The following FGF13 variants were observed in gnomAD, a reference collection of about 807,000 sequenced individuals.
FGF13 encodes fibroblast growth factor 13, also known as fibroblast growth factor homologous factor 2.
In FGF13, 2 loss-of-function variants were observed where a neutral mutation model predicts 19.5. The observed-to-expected ratio is 0.10, with a 90% CI of 0.04 to 0.32. The LOEUF (loss-of-function observed/expected upper bound fraction) is 0.32, where lower values mean the gene tolerates loss of function less well. FGF13 is among the 10% of genes least tolerant of loss of function. The probability of loss-of-function intolerance (pLI) is 1.00; values close to 1 mark genes in which losing one functional copy is unlikely to be tolerated. For synonymous variants in FGF13, 72 were observed against 76.9 expected, an observed-to-expected ratio of 0.94 and a Z score of 0.33; for missense variants, 113 against 192.7, an observed-to-expected ratio of 0.59 and a Z score of 2.45.
intron 1 of FGF13, among the ~76,000 whole-genome samples, chrX:138,910,888 C>T (rs2091584047): frequency 8.9e-6 from 1 of 111,819 alleles, no homozygotes; most frequent in Non-Finnish European, 1.9e-5. Context: ...TTCATTTATA[C>T]TGTGAGGTAA....
At chrX:138,820,710 G>A (rs760027098) in intron 3 of FGF13, among the ~76,000 whole-genome samples, 14 of 111,886 alleles carry the variant, frequency 1.3e-4, no homozygotes, top group Non-Finnish European at 2.1e-4. Flanking sequence ...AGATACATGG[G>A]AAAGTTACCA....
chrX:138,755,991 A>T (rs981682762), intron 3 of FGF13, among the ~76,000 whole-genome samples: 1 of 111,831 alleles, frequency 8.9e-6, no homozygotes, highest in Non-Finnish European at 1.9e-5. Context: ...AGATATTAGG[A>T]CATACAAAGA....
chrX:139,100,041 AACACACACACACAC>A (rs56821859), intron 1 of FGF13, among the ~76,000 whole-genome samples: 11 of 76,423 alleles, frequency 1.4e-4, no homozygotes, highest in African/African-American at 3.0e-4. Flanking sequence ...GGGGAAAGCA[AACACACACACACAC>A]ACACACACAC....
chrX:138,687,384 CAACA>C (rs773990948), intron 3 of FGF13, among the ~76,000 whole-genome samples: 43 of 111,980 alleles, frequency 3.8e-4, no homozygotes, highest in Non-Finnish European at 7.3e-4. Context: ...TACAACTCTT[CAACA>C]GACACATGAA....
intron 3 of FGF13, among the ~76,000 whole-genome samples, chrX:138,684,942 A>C (rs141497172): frequency 1.8e-5 from 2 of 111,928 alleles, no homozygotes; most frequent in East Asian, 5.6e-4. Flanking sequence ...AGAACAACAA[A>C]CAATAAAGCA....
intron 3 of FGF13, among the ~76,000 whole-genome samples, chrX:138,676,196 A>C (rs1312475785): frequency 9.0e-6 from 1 of 111,620 alleles, no homozygotes; most frequent in Non-Finnish European, 1.9e-5. Flanking sequence ...AAAAGACATA[A>C]GGAAAAAAAG....
At chrX:139,072,009 CAAA>C (rs547217409) in intron 1 of FGF13, among the ~76,000 whole-genome samples, 76 of 24,838 alleles carry the variant, frequency 3.1e-3, no homozygotes, top group African/African-American at 0.012. Context: ...GATTCCATCT[CAAA>C]AAAAAAAAAA....
intron 1 of FGF13, among the ~76,000 whole-genome samples, chrX:138,731,320 AC>A (rs2090228954): frequency 9.0e-6 from 1 of 110,538 alleles, no homozygotes; most frequent in African/African-American, 3.3e-5. Context: ...AAATTTAAAT[AC>A]ATTCATAAGA....
chrX:138,895,106 T>C (rs2091497349), intron 1 of FGF13, among the ~76,000 whole-genome samples: 1 of 112,191 alleles, frequency 8.9e-6, no homozygotes, highest in African/African-American at 3.2e-5. Flanking sequence ...TACCTGATAC[T>C]TTTCTTGGGC....
chrX:138,740,361 T>C (rs776066459), upstream of FGF13, among the ~76,000 whole-genome samples: 7 of 112,183 alleles, frequency 6.2e-5, no homozygotes, highest in South Asian at 2.2e-3. Context: ...TTCAGTGCTA[T>C]ATGGAAAGGA....
chrX:138,809,781 T>C (rs1319726120), intron 3 of FGF13, among the ~76,000 whole-genome samples: 3 of 111,319 alleles, frequency 2.7e-5, no homozygotes, highest in African/African-American at 9.8e-5. Context: ...AAATCACAAG[T>C]ATTCTTATAC....
chrX:138,984,323 G>A (rs2091976820), intron 1 of FGF13, among the ~76,000 whole-genome samples: 4 of 107,732 alleles, frequency 3.7e-5, no homozygotes, highest in South Asian at 4.1e-4. Flanking sequence ...CAGAAGAATC[G>A]CTTGAACCCG....
chrX:138,691,691 G>T (rs1194860705), intron 3 of FGF13, among the ~76,000 whole-genome samples: 1 of 111,286 alleles, frequency 9.0e-6, no homozygotes, highest in African/African-American at 3.3e-5. Flanking sequence ...AATTACTTTT[G>T]TTATATGATA....
At chrX:138,945,886 T>C (rs180951954) in intron 1 of FGF13, among the ~76,000 whole-genome samples, 3 of 111,721 alleles carry the variant, frequency 2.7e-5, no homozygotes, top group Non-Finnish European at 3.8e-5. Flanking sequence ...TTTTTTAGTT[T>C]TTTGCATTTT....
Position 138,987,331 on chromosome X carries a change from CT to C in FGF13, c.-112-122682del, listed in dbSNP as rs745924264. 3.8e-3 allele frequency among the ~76,000 whole-genome samples: 426 copies of C among 111,684 alleles called. 1 individual carries two copies. Among genetic ancestry groups the C allele is most frequent in the African/African-American group, 0.013 (400 of 30,759 alleles). Reference sequence around the variant, plus strand: ...TCCTTATAGTATTCACTCTTAGACTCTGTTCCTACTCTACTAATAAGCCTCT... The same window carrying C: ...TCCTTATAGTATTCACTCTTAGACTCGTTCCTACTCTACTAATAAGCCTCT... On this transcript the variant is annotated intron_variant, in intron 1 of 2. Transcript: ENST00000421460.
At chrX:139,092,558 G>A (rs1763255664) in intron 1 of FGF13, among the ~76,000 whole-genome samples, 1 of 112,007 alleles carries the variant, frequency 8.9e-6, no homozygotes, top group Admixed American at 9.5e-5. Context: ...TCTAGTTGGA[G>A]CTTCTTGCTG....
intron 1 of FGF13, among the ~76,000 whole-genome samples, chrX:138,915,639 A>G (rs1369445354): frequency 8.9e-6 from 1 of 111,908 alleles, no homozygotes; most frequent in Non-Finnish European, 1.9e-5. Flanking sequence ...TCTACAGATG[A>G]GTAATCCCAA....
chrX:139,078,272 G>A (rs1032187017), intron 1 of FGF13, among the ~76,000 whole-genome samples: 3 of 109,533 alleles, frequency 2.7e-5, no homozygotes, highest in Admixed American at 1.0e-4. Flanking sequence ...CCCTCACTTC[G>A]CTGCAAATCA....
intron 1 of FGF13, among the ~76,000 whole-genome samples, chrX:139,034,074 C>A (rs2092241832): frequency 9.0e-6 from 1 of 111,547 alleles, no homozygotes; most frequent in African/African-American, 3.3e-5. Flanking sequence ...ATTACAAGTG[C>A]CTTTCAAACA....
Sources: allele counts gnomAD v4.1 joint callset (sites outside exome capture counted in the v4.1 genomes callset), GRCh38; gene constraint gnomAD v4.1.1; transcripts MANE v1.5; gene names NCBI Gene and HGNC (gene_info 2026-07-23, HGNC 2026-07-21).